Variants in OLFM3 observed in about 807,000 individuals in gnomAD.
OLFM3 encodes the protein noelin-3.
A neutral mutation model predicts 48.6 loss-of-function variants in OLFM3; 20 were observed. That is an observed-to-expected ratio of 0.41 (90% CI 0.29 to 0.60). The LOEUF (loss-of-function observed/expected upper bound fraction) is 0.60, where lower values mean the gene tolerates loss of function less well. Among genes scored for constraint, OLFM3 ranks in the 20% least tolerant of loss-of-function variants. The probability of loss-of-function intolerance (pLI) is 0.28; values close to 1 mark genes in which losing one functional copy is unlikely to be tolerated. For missense variants in OLFM3, 437 were observed against 544.3 expected, an observed-to-expected ratio of 0.80 and a Z score of 1.96; for synonymous variants, 222 against 198.1, an observed-to-expected ratio of 1.12 and a Z score of -1.01.
intron 4 of OLFM3, among the ~76,000 whole-genome samples, chr1:101,822,037 T>C (rs1654628661): frequency 6.6e-6 from 1 of 152,084 alleles, no homozygotes; most frequent in East Asian, 1.9e-4. Flanking sequence ...TATAGAAATA[T>C]TATGCAAAGT....
intron 1 of OLFM3, among the ~76,000 whole-genome samples, chr1:101,954,445 A>AT (rs1391992570): frequency 6.6e-6 from 1 of 152,068 alleles, no homozygotes; most frequent in Non-Finnish European, 1.5e-5. Flanking sequence ...ATTTCATTCT[A>AT]TTTCTAGAAA....
chr1:101,911,151 C>T (rs1374530037), intron 1 of OLFM3, among the ~76,000 whole-genome samples: 1 of 152,074 alleles, frequency 6.6e-6, no homozygotes, highest in Non-Finnish European at 1.5e-5. Flanking sequence ...CAGTGGTACC[C>T]TTTGAACAAA....
intron 1 of OLFM3, among the ~76,000 whole-genome samples, chr1:101,896,457 T>G (rs182497110): frequency 6.6e-6 from 1 of 151,770 alleles, no homozygotes; most frequent in African/African-American, 2.4e-5. Flanking sequence ...GTGCAGGACG[T>G]TTTTATTTTT....
chr1:101,976,652 T>C (rs1455238043), intron 1 of OLFM3, among the ~76,000 whole-genome samples: 1 of 152,198 alleles, frequency 6.6e-6, no homozygotes, highest in Non-Finnish European at 1.5e-5. Flanking sequence ...AAACTGAGGC[T>C]TGTAGAAGTT....
chr1:101,891,303 G>C (rs1219610096), intron 1 of OLFM3, among the ~76,000 whole-genome samples: 1 of 151,950 alleles, frequency 6.6e-6, no homozygotes, highest in African/African-American at 2.4e-5. Context: ...ATATTTTGCA[G>C]AGATTCAGGA....
At chr1:101,896,488 C>CTTTTTTTTTT (rs35260761) in intron 1 of OLFM3, among the ~76,000 whole-genome samples, 2 of 76,684 alleles carry the variant, frequency 2.6e-5, no homozygotes, top group African/African-American at 5.8e-5. Flanking sequence ...TGCTTACACA[C>CTTTTTTTTTT]TTTTTTTTTT....
intron 1 of OLFM3, among the ~76,000 whole-genome samples, chr1:101,876,346 G>A (rs180961815): frequency 7.9e-5 from 12 of 151,972 alleles, no homozygotes; most frequent in East Asian, 1.9e-4. Context: ...TCCTCCATAC[G>A]GCAAGTCCAA....
intron 1 of OLFM3, among the ~76,000 whole-genome samples, chr1:101,900,198 T>C (rs528408602): frequency 6.6e-6 from 1 of 152,314 alleles, no homozygotes; most frequent in East Asian, 1.9e-4. Flanking sequence ...TTGTTTGCTT[T>C]GTTCATTTCT....
intron 3 of OLFM3, among the ~76,000 whole-genome samples, chr1:101,829,064 C>T (rs6694663): frequency 0.99 from 151,174 of 152,296 alleles, 75,037 homozygotes; most frequent in Middle Eastern, 1. Flanking sequence ...TATTCACCAT[C>T]AATTCACCTG....
chr1:101,950,585 CCTG>C, intron 1 of OLFM3, among the ~76,000 whole-genome samples: 1 of 151,878 alleles, frequency 6.6e-6, no homozygotes, highest in African/African-American at 2.4e-5. Flanking sequence ...ACTACAAGCG[CCTG>C]CCACCACTCC....
Position 101,840,995 on chromosome 1 carries a change from T to C in OLFM3, c.70-3970A>G, listed in dbSNP as rs545305791. 1.1e-4 allele frequency among the ~76,000 whole-genome samples: 16 copies of C among 152,332 alleles called. No individual in the cohort carries two copies. The South Asian group carries it at 2.1e-3, about 20-fold the overall frequency. On this transcript the variant is annotated intron_variant, in intron 1 of 5. Transcript: ENST00000370103. Reference sequence around the variant, plus strand: ...TTAATATTGTAAAACTCATAAAATATTTAAGAATGCTCTAAATAGGAGAAT... The same window carrying C: ...TTAATATTGTAAAACTCATAAAATACTTAAGAATGCTCTAAATAGGAGAAT...
At chr1:101,827,008 G>A (rs1025974) in intron 3 of OLFM3, among the ~76,000 whole-genome samples, 6,922 of 152,046 alleles carry the variant, frequency 0.046, 521 homozygotes, top group African/African-American at 0.16. Flanking sequence ...GATTATTAGC[G>A]ATCAATTGTG....
intron 1 of OLFM3, among the ~76,000 whole-genome samples, chr1:101,908,723 A>G (rs1658639346): frequency 6.6e-6 from 1 of 152,198 alleles, no homozygotes; most frequent in Non-Finnish European, 1.5e-5. Context: ...AAATCCAGTG[A>G]TAAATGTTCA....
At chr1:101,887,258 T>A (rs1168379828) in intron 1 of OLFM3, among the ~76,000 whole-genome samples, 1 of 151,670 alleles carries the variant, frequency 6.6e-6, no homozygotes, top group Non-Finnish European at 1.5e-5. Flanking sequence ...GCAGAAAGCA[T>A]AATAAACAGA....
chr1:101,839,398 A>G (rs751649934), intron 1 of OLFM3, among the ~76,000 whole-genome samples: 1 of 152,230 alleles, frequency 6.6e-6, no homozygotes, highest in Admixed American at 6.5e-5. Flanking sequence ...ACAGCTTACC[A>G]GAGTAATTTC....
At chr1:101,811,508 G>A (rs374845677) in intron 4 of OLFM3, among the ~76,000 whole-genome samples, 6 of 151,830 alleles carry the variant, frequency 4.0e-5, no homozygotes, top group Admixed American at 6.6e-5. Flanking sequence ...CAAACAACCC[G>A]ATCAAAAAGT....
intron 1 of OLFM3, among the ~76,000 whole-genome samples, chr1:101,945,309 G>T (rs982141563): frequency 5.9e-5 from 9 of 152,144 alleles, no homozygotes; most frequent in Non-Finnish European, 1.0e-4. Flanking sequence ...TTCATACAAT[G>T]ATGTACTATT....
rs1219683581 is a variant in OLFM3 at position 101,977,998 on chromosome 1, A to T, written c.69+18750T>A. On this transcript the variant is annotated intron_variant, in intron 1 of 5. Coordinates refer to ENST00000370103, the MANE Select transcript of OLFM3 (RefSeq NM_058170.4). Reference sequence around the variant, plus strand: ...CTGAATAAGTAGCATCAGGTTATAGATTAGTACATTAGTTACAAGGTAGAA... The same window carrying T: ...CTGAATAAGTAGCATCAGGTTATAGTTTAGTACATTAGTTACAAGGTAGAA... 3.3e-5 allele frequency among the ~76,000 whole-genome samples: 5 copies of T among 152,156 alleles called. No individual in the cohort carries two copies. In the East Asian group the frequency reaches 9.6e-4, roughly 29 times the overall value.
At chr1:101,908,756 G>T (rs1185365356) in intron 1 of OLFM3, among the ~76,000 whole-genome samples, 2 of 151,992 alleles carry the variant, frequency 1.3e-5, no homozygotes, top group African/African-American at 4.8e-5. Flanking sequence ...ATAGAAGGAG[G>T]CAGCCACACA....
Sources: allele counts gnomAD v4.1 joint callset (sites outside exome capture counted in the v4.1 genomes callset), GRCh38; gene constraint gnomAD v4.1.1; transcripts MANE v1.5; gene names NCBI Gene and HGNC (gene_info 2026-07-23, HGNC 2026-07-21).